ABHD2: variants seen among roughly 807,000 people sequenced by gnomAD.
ABHD2 encodes the protein abhydrolase domain containing 2, acylglycerol lipase.
Under a neutral mutation model 48.1 loss-of-function variants are expected in ABHD2, and 20 were observed. The observed-to-expected ratio is 0.42, with a 90% CI of 0.29 to 0.60. The LOEUF (loss-of-function observed/expected upper bound fraction) is 0.60, where lower values mean the gene tolerates loss of function less well. ABHD2 is among the 20% of genes least tolerant of loss of function. The pLI is 0.24. For missense variants in ABHD2, 405 were observed against 550.9 expected (o/e 0.74, Z 2.65); for synonymous variants, 209 against 214.2 (o/e 0.98, Z 0.21).
In ABHD2 at chr15:89,161,319, G is replaced by A. The variant is rs146279884; in HGVS notation, c.538+5785G>A. Among the ~76,000 whole-genome samples the A allele has an allele frequency of 2.5e-3, 380 of 152,238 alleles. 2 individuals carry two copies. The highest frequency in any genetic ancestry group is 3.7e-3 in the Non-Finnish European group (250 of 68,012). On this transcript the variant is annotated intron_variant, in intron 5 of 10. Coordinates refer to ENST00000352732, the MANE Select transcript of ABHD2 (RefSeq NM_152924.5). ...TACCCTTTACCCAACCTCAACAATTGTTCAACTCATGGCCCATCTTGTTTC... is the reference window on the plus strand; with the variant it reads ...TACCCTTTACCCAACCTCAACAATTATTCAACTCATGGCCCATCTTGTTTC...
intron 3 of ABHD2, among the ~76,000 whole-genome samples, chr15:89,142,237 C>A (rs374746772): frequency 6.6e-6 from 1 of 152,004 alleles, no homozygotes; most frequent in Non-Finnish European, 1.5e-5. Context: ...TCATTGAAGG[C>A]AAATGAGATC....
chr15:89,104,812 A>C lies in ABHD2; in HGVS notation c.-106-8913A>C, dbSNP rs1241292357. The stretch of plus-strand genomic sequence containing the variant: ...ACATAGAAGAGTGGGTGGCATCTCT[A>C]TGGTGCCCAGGACAATCAATCTGGA... On this transcript the variant is annotated intron_variant, in intron 1 of 10. Coordinates refer to ENST00000352732, the MANE Select transcript of ABHD2 (RefSeq NM_152924.5). The surrounding 1 kb of genome is among the most constrained non-coding windows in gnomAD (Gnocchi z 4.4). Among the ~76,000 whole-genome samples the C allele has an allele frequency of 6.6e-6, 1 of 152,164 alleles. No homozygotes were observed. Among genetic ancestry groups the C allele is most frequent in the Non-Finnish European group, 1.5e-5 (1 of 68,032 alleles).
intron 3 of ABHD2, chr15:89,136,459 T>C: frequency 2.1e-6 from 1 of 469,718 alleles, no homozygotes; most frequent in South Asian, 1.6e-5. Context: ...TATGATGGCA[T>C]TTTCTCTCTT....
rs1262175284 is a variant in ABHD2 at position 89,175,291 on chromosome 15, C to G, written c.539-521C>G. Among the ~76,000 whole-genome samples the G allele has an allele frequency of 6.6e-6, 1 of 152,172 alleles. No individual in the cohort carries two copies. Among genetic ancestry groups the G allele is most frequent in the Non-Finnish European group, 1.5e-5 (1 of 68,036 alleles). ...CCAGGCTGGAGTGCAGTGATGCGATCTTGGCTCACTGTAGCCTCTGCCTCC... is the reference window on the plus strand; with the variant it reads ...CCAGGCTGGAGTGCAGTGATGCGATGTTGGCTCACTGTAGCCTCTGCCTCC... On this transcript the variant is annotated intron_variant, in intron 5 of 10. Transcript: ENST00000352732. This position sits in a 1 kb window ranked among gnomAD's most constrained non-coding sequence, Gnocchi z 5.7.
chr15:89,109,152 G>A lies in ABHD2; in HGVS notation c.-106-4573G>A, dbSNP rs1319516404. Among the ~76,000 whole-genome samples the A allele has an allele frequency of 2.6e-5, 4 of 152,290 alleles. No individual in the cohort carries two copies. The East Asian group carries it at 7.7e-4, about 29-fold the overall frequency. ...ATCTGTGCCTCCATCTGAAAATAAT[G>A]CTTTTAGCCAGGGGAGAGCAGAAAG... is the stretch of plus-strand genomic sequence containing the variant. On this transcript the variant is annotated intron_variant, in intron 1 of 10. Transcript: ENST00000352732.
intron 3 of ABHD2, among the ~76,000 whole-genome samples, chr15:89,149,637 A>C (rs2150884104): frequency 6.6e-6 from 1 of 152,318 alleles, no homozygotes; most frequent in African/African-American, 2.4e-5. Flanking sequence ...CTTGAAAGAC[A>C]AGTAGTAGGT....
Position 89,177,792 on chromosome 15 carries a change from G to A in ABHD2, c.722+1797G>A, listed in dbSNP as rs1455743753. 6.6e-6 allele frequency among the ~76,000 whole-genome samples: 1 copy of A among 152,154 alleles called. No individual in the cohort carries two copies. The highest frequency in any genetic ancestry group is 2.4e-5 in the African/African-American group (1 of 41,432). On this transcript the variant is annotated intron_variant, in intron 6 of 10. Transcript: ENST00000352732. The surrounding 1 kb of genome is among the most constrained non-coding windows in gnomAD (Gnocchi z 5.6). ...CTGTCGGGCCCAGTCACTGGGATAA[G>A]AAAGACATGAGCAAGGGGCCTACCC... is the stretch of plus-strand genomic sequence containing the variant.
At position 89,185,487 on chromosome 15, in the gene ABHD2, C is replaced by T. The variant is rs1163352542; in HGVS notation, c.786C>T (p.Asp262=). Residue 262 remains aspartate, a synonymous_variant, in exon 7 of 11, where the codon GAC becomes GAT. Coordinates refer to ENST00000352732, the MANE Select transcript of ABHD2 (RefSeq NM_152924.5). This position sits in a 1 kb window ranked among gnomAD's most constrained non-coding sequence, Gnocchi z 5.9. Reference sequence around the variant, plus strand: ...GGTTCTACAACTTCCTCATGGCTGACAACATGAAGAAGATCATCCTCTCGC... The same window carrying T: ...GGTTCTACAACTTCCTCATGGCTGATAACATGAAGAAGATCATCCTCTCGC... ...CRRFYNFLMA[D]NMKKIILSHR... 1.2e-6 allele frequency: 2 copies of T among 1,614,102 alleles called. No homozygotes were observed. The highest frequency in any genetic ancestry group is 2.7e-5 in the African/African-American group (2 of 75,028).
chr15:89,178,311 C>T (rs2051050140), intron 6 of ABHD2, among the ~76,000 whole-genome samples: 2 of 152,208 alleles, frequency 1.3e-5, no homozygotes, highest in Admixed American at 6.5e-5. Context: ...GAGCACAGTT[C>T]CTTACTTTAA....
At chr15:89,081,119 C>A in the ABHD2 span, among the ~76,000 whole-genome samples, 1 of 151,520 alleles carries the variant, frequency 6.6e-6, no homozygotes, top group East Asian at 1.9e-4. Context: ...CCTACCTCAG[C>A]CTCCCAAGTA....
Position 89,196,272 on chromosome 15 carries a change from G to GCTCCA in ABHD2, c.*849_*850insCTCCA, listed in dbSNP as rs2051401230. Reference sequence around the variant, plus strand: ...GCTCCCACGGTCTCCAGAGCAGCAAGGCCGGCTATGGAGCTGCCGTCGTGT... The same window carrying GCTCCA: ...GCTCCCACGGTCTCCAGAGCAGCAAGCTCCAGCCGGCTATGGAGCTGCCGTCGTGT... On this transcript the variant is annotated 3_prime_UTR_variant, in exon 11 of 11. Transcript: ENST00000352732. 1 of 152,174 alleles carries GCTCCA rather than the reference G, an allele frequency of 6.6e-6. No homozygotes were observed. The highest frequency in any genetic ancestry group is 1.9e-4 in the East Asian group (1 of 5,192). 9.4% of individuals were successfully genotyped at this position (152,174 alleles called of 1,614,324 possible). A position where few individuals can be genotyped will look rare whatever the true frequency, so the allele number is the denominator to read the frequency against.
chr15:89,063,134 A>T, the ABHD2 span, among the ~76,000 whole-genome samples: 1 of 151,806 alleles, frequency 6.6e-6, no homozygotes, highest in African/African-American at 2.4e-5. Context: ...TGCCCGGCTA[A>T]TTTTTGTATT....
chr15:89,070,204 A>C, the ABHD2 span: 2 of 152,148 alleles, frequency 1.3e-5, no homozygotes, highest in Admixed American at 1.3e-4. Flanking sequence ...GAGCCATGTG[A>C]TTTTTCTTCA....
At chr15:89,194,566 A>G (rs2051363624) in intron 10 of ABHD2, among the ~76,000 whole-genome samples, 1 of 152,184 alleles carries the variant, frequency 6.6e-6, no homozygotes, top group Non-Finnish European at 1.5e-5. Context: ...GATCTTGAAG[A>G]TAAATGTCTG....
At position 89,102,900 on chromosome 15, in the gene ABHD2, C is replaced by G. The variant is rs774768454; in HGVS notation, c.-106-10825C>G. Among the ~76,000 whole-genome samples the G allele has an allele frequency of 4.1e-4, 63 of 152,172 alleles. No homozygotes were observed. The highest frequency in any genetic ancestry group is 1.3e-4 in the Non-Finnish European group (9 of 68,026). Reference sequence around the variant, plus strand: ...GGCTAGGGGTGGCAGGTGGGATTGCCCTTGGGCTTTAAAGAAGGCTGAGAA... The same window carrying G: ...GGCTAGGGGTGGCAGGTGGGATTGCGCTTGGGCTTTAAAGAAGGCTGAGAA... On this transcript the variant is annotated intron_variant, in intron 1 of 10. Transcript: ENST00000352732. This position sits in a 1 kb window ranked among gnomAD's most constrained non-coding sequence, Gnocchi z 4.8.
rs909531542 is a variant in ABHD2, at chr15:89,177,745, G to A, written c.722+1750G>A. 2.0e-5 allele frequency among the ~76,000 whole-genome samples: 3 copies of A among 152,136 alleles called. No individual in the cohort carries two copies. Among genetic ancestry groups the A allele is most frequent in the South Asian group, 2.1e-4 (1 of 4,824 alleles). On this transcript the variant is annotated intron_variant, in intron 6 of 10. Coordinates refer to ENST00000352732, the MANE Select transcript of ABHD2 (RefSeq NM_152924.5). This position sits in a 1 kb window ranked among gnomAD's most constrained non-coding sequence, Gnocchi z 5.6. ...TCCAACTCCCAGCTCATAGCCACGT[G>A]TAACCAGAATTAACCAAAGTCCTGT...
chr15:89,195,615 G>A lies in ABHD2; in HGVS notation c.*192G>A, dbSNP rs146738558. 7,451 of 571,564 alleles carry A rather than the reference G, an allele frequency of 0.013. 79 individuals are homozygous for A. The highest frequency in any genetic ancestry group is 0.017 in the Non-Finnish European group (5,778 of 333,014). 35.4% of individuals were successfully genotyped at this position (571,564 alleles called of 1,614,324 possible). The stretch of plus-strand genomic sequence containing the variant: ...GAGCTCCAGGCTATTTTTGTGCTTA[G>A]TTACTGGTTTTCTCCATTGCATTGT... On this transcript the variant is annotated 3_prime_UTR_variant, in exon 11 of 11. Coordinates refer to ENST00000352732, the MANE Select transcript of ABHD2 (RefSeq NM_152924.5). The surrounding 1 kb of genome is among the most constrained non-coding windows in gnomAD (Gnocchi z 5.1).
In ABHD2 at chr15:89,201,491, T is replaced by C. The variant is rs1321826962; in HGVS notation, c.*6068T>C. The C allele has an allele frequency of 1.9e-6, 3 of 1,565,232 alleles. No individual in the cohort carries two copies. Among genetic ancestry groups the C allele is most frequent in the Admixed American group, 3.4e-5 (2 of 59,630 alleles). ...TTCCACACAGCTTCCATATCTGAAGTGTTTAGTGGAGCAAAAATTGTACCA... is the reference window on the plus strand; with the variant it reads ...TTCCACACAGCTTCCATATCTGAAGCGTTTAGTGGAGCAAAAATTGTACCA... On this transcript the variant is annotated 3_prime_UTR_variant, in exon 11 of 11. Coordinates refer to ENST00000352732, the MANE Select transcript of ABHD2 (RefSeq NM_152924.5).
intron 3 of ABHD2, chr15:89,136,408 T>C: frequency 2.0e-6 from 1 of 502,264 alleles, no homozygotes; most frequent in Non-Finnish European, 3.9e-6. Flanking sequence ...TCTGGATGTT[T>C]GTTCTTATGT....
Sources: allele counts gnomAD v4.1 joint callset (sites outside exome capture counted in the v4.1 genomes callset), GRCh38; gene constraint gnomAD v4.1.1; non-coding constraint Gnocchi (gnomAD v3.1); transcripts MANE v1.5; gene names NCBI Gene and HGNC (gene_info 2026-07-23, HGNC 2026-07-21).